The following SLC23A2 variants were observed in gnomAD, a reference collection of about 807,000 sequenced individuals.
SLC23A2 encodes Na(+)/L-ascorbic acid transporter 2.
A neutral mutation model predicts 73.3 loss-of-function variants in SLC23A2; 36 were observed. The observed-to-expected ratio is 0.49, with a 90% CI of 0.38 to 0.65. SLC23A2 has a LOEUF of 0.65. Ranked by LOEUF, SLC23A2 falls within the 30% of genes least tolerant of loss-of-function variation. The pLI, the probability that SLC23A2 is intolerant of heterozygous loss-of-function variation, is 0.00. For synonymous variants in SLC23A2, 343 were observed against 327.3 expected, an observed-to-expected ratio of 1.05 and a Z score of -0.52; for missense variants, 507 against 841.6, an observed-to-expected ratio of 0.60 and a Z score of 4.92.
Position 4,857,213 on chromosome 20 carries a change from C to T in SLC23A2, c.1721-9G>A, listed in dbSNP as rs1236718524. 7.1e-6 allele frequency: 11 copies of T among 1,549,446 alleles called. No homozygotes were observed. The highest frequency in any genetic ancestry group is 3.4e-4 in the Middle Eastern group (2 of 5,896). Reference sequence around the variant, plus strand: ...TCTTTCCTCTGGAGTGCCTGTCACACATCCCAAGATAGAACAAAGGAATGC... The same window carrying T: ...TCTTTCCTCTGGAGTGCCTGTCACATATCCCAAGATAGAACAAAGGAATGC... On this transcript the variant is annotated splice_polypyrimidine_tract_variant and intron_variant, in intron 16 of 16. Coordinates refer to ENST00000338244, the MANE Select transcript of SLC23A2 (RefSeq NM_005116.6). This position sits in a 1 kb window ranked among gnomAD's most constrained non-coding sequence, Gnocchi z 4.0.
At chr20:4,908,651 G>A (rs138416388) in intron 4 of SLC23A2, among the ~76,000 whole-genome samples, 31 of 152,270 alleles carry the variant, frequency 2.0e-4, no homozygotes, top group Admixed American at 9.8e-4. Context: ...TGTAGGGACC[G>A]GGTGTGGTGG....
rs6052957 is a variant in SLC23A2, at chr20:4,889,256, G to A, written c.483-3347C>T. On this transcript the variant is annotated intron_variant, in intron 6 of 16. Coordinates refer to ENST00000338244, the MANE Select transcript of SLC23A2 (RefSeq NM_005116.6). ...GTGTGTGGGGGATTATGGGTATTCC[G>A]GGCAGAGAGAGGGGAGGTGCAAAAC... 5.8e-3 allele frequency among the ~76,000 whole-genome samples: 882 copies of A among 152,192 alleles called. 5 individuals are homozygous for A. Among genetic ancestry groups the A allele is most frequent in the African/African-American group, 0.02 (837 of 41,510 alleles).
rs150470041 is a variant in SLC23A2 at position 4,926,349 on chromosome 20, G to A, written c.108+6106C>T. ...ACAACAGGCTGTGTGTGTCACAGCCGTGCCTGTGCCAACAGGAAGTTTGGG... is the reference window on the plus strand; with the variant it reads ...ACAACAGGCTGTGTGTGTCACAGCCATGCCTGTGCCAACAGGAAGTTTGGG... On this transcript the variant is annotated intron_variant, in intron 3 of 16. Transcript: ENST00000338244. Among the ~76,000 whole-genome samples the A allele has an allele frequency of 7.8e-3, 1,188 of 152,260 alleles. 24 individuals are homozygous for A. Among genetic ancestry groups the A allele is most frequent in the African/African-American group, 0.027 (1,140 of 41,534 alleles).
intron 1 of SLC23A2, among the ~76,000 whole-genome samples, chr20:4,984,369 A>T (rs905451141): frequency 6.6e-6 from 1 of 152,142 alleles, no homozygotes; most frequent in Non-Finnish European, 1.5e-5. Flanking sequence ...CCTGGCTAAC[A>T]CAGTGAAACC....
intron 3 of SLC23A2, among the ~76,000 whole-genome samples, chr20:4,931,685 T>TA (rs1932792706): frequency 1.3e-5 from 2 of 151,786 alleles, no homozygotes; most frequent in Admixed American, 1.3e-4. Flanking sequence ...GGGAAGATAG[T>TA]TCAAGCCTGG....
chr20:4,925,047 C>G (rs1932624256), intron 3 of SLC23A2, among the ~76,000 whole-genome samples: 1 of 152,034 alleles, frequency 6.6e-6, no homozygotes, highest in Admixed American at 6.6e-5. Context: ...CAGCTGAGCA[C>G]AGTGGCATGT....
intron 2 of SLC23A2, among the ~76,000 whole-genome samples, chr20:4,936,893 A>G (rs1039310329): frequency 3.3e-4 from 51 of 152,284 alleles, no homozygotes; most frequent in East Asian, 9.7e-4. Context: ...AGCACAGGAG[A>G]GGATGAGACT....
chr20:4,879,117 T>C (rs1464168846), intron 9 of SLC23A2, among the ~76,000 whole-genome samples: 1 of 152,166 alleles, frequency 6.6e-6, no homozygotes, highest in East Asian at 1.9e-4. Context: ...ATAAAGATCC[T>C]TCTATACAGC....
At position 4,862,135 on chromosome 20, in the gene SLC23A2, A is replaced by G; in HGVS notation, c.1487-50T>C. The stretch of plus-strand genomic sequence containing the variant: ...AAGCTCCAGCACCACTACAGCGGGG[A>G]CAGCTCAAGGCAGGTGAGGGCAGGC... On this transcript the variant is annotated intron_variant, in intron 14 of 16. Coordinates refer to ENST00000338244, the MANE Select transcript of SLC23A2 (RefSeq NM_005116.6). The surrounding 1 kb of genome is among the most constrained non-coding windows in gnomAD (Gnocchi z 5.1). 1 of 1,603,276 alleles carries G rather than the reference A, an allele frequency of 6.2e-7. No individual in the cohort carries two copies. The highest frequency in any genetic ancestry group is 1.1e-5 in the South Asian group (1 of 89,752).
At position 4,977,029 on chromosome 20, in the gene SLC23A2, A is replaced by G. The variant is rs1175078914; in HGVS notation, c.-281-6110T>C. ...AATGAAATCACTGTTCTAGAAAAGTAATTAGATGAATGTAATTGTACATAT... is the reference window on the plus strand; with the variant it reads ...AATGAAATCACTGTTCTAGAAAAGTGATTAGATGAATGTAATTGTACATAT... On this transcript the variant is annotated intron_variant, in intron 1 of 16. Transcript: ENST00000338244. Among the ~76,000 whole-genome samples the G allele has an allele frequency of 2.6e-5, 4 of 152,186 alleles. No homozygotes were observed. In the South Asian group the frequency reaches 6.2e-4, roughly 24 times the overall value.
intron 2 of SLC23A2, among the ~76,000 whole-genome samples, chr20:4,963,222 T>C (rs1381916389): frequency 6.6e-6 from 1 of 152,216 alleles, no homozygotes; most frequent in South Asian, 2.1e-4. Context: ...GCACAATTCA[T>C]GCCAAATGTC....
intron 9 of SLC23A2, among the ~76,000 whole-genome samples, chr20:4,875,695 T>C (rs1225574484): frequency 2.0e-5 from 3 of 152,182 alleles, no homozygotes; most frequent in Non-Finnish European, 4.4e-5. Context: ...CTGGCAGGTG[T>C]GGGGCCACTT....
intron 2 of SLC23A2, among the ~76,000 whole-genome samples, chr20:4,944,006 T>C (rs575553527): frequency 6.6e-6 from 1 of 152,260 alleles, no homozygotes; most frequent in East Asian, 1.9e-4. Flanking sequence ...AGGAAAGGGC[T>C]CCCCAGGGAA....
At chr20:4,897,210 C>T (rs1470326887) in intron 6 of SLC23A2, among the ~76,000 whole-genome samples, 1 of 152,222 alleles carries the variant, frequency 6.6e-6, no homozygotes, top group Admixed American at 6.5e-5. Context: ...ACGGGCACCA[C>T]CCACACCCCG....
At chr20:4,886,997 G>T (rs990238395) in intron 6 of SLC23A2, among the ~76,000 whole-genome samples, 1 of 152,204 alleles carries the variant, frequency 6.6e-6, no homozygotes, top group African/African-American at 2.4e-5. Flanking sequence ...CCAGAGCCCA[G>T]CACACACCAT....
intron 3 of SLC23A2, among the ~76,000 whole-genome samples, chr20:4,919,035 C>A (rs1016083994): frequency 6.6e-6 from 1 of 152,162 alleles, no homozygotes; most frequent in African/African-American, 2.4e-5. Context: ...CTGCAAGCTC[C>A]TTTACTATGA....
chr20:4,969,691 C>T (rs2087532835), intron 2 of SLC23A2, among the ~76,000 whole-genome samples: 1 of 150,992 alleles, frequency 6.6e-6, no homozygotes, highest in Non-Finnish European at 1.5e-5. Context: ...CTCAAGTGAT[C>T]CTCCTGTTTC....
intron 3 of SLC23A2, among the ~76,000 whole-genome samples, chr20:4,917,092 C>T (rs570856388): frequency 1.3e-5 from 2 of 152,250 alleles, no homozygotes; most frequent in African/African-American, 4.8e-5. Flanking sequence ...GTCCTGCCTC[C>T]CTGCAGGAGC....
intron 10 of SLC23A2, 83 bp downstream of exon 10, chr20:4,874,493 G>T: frequency 1.5e-6 from 2 of 1,348,568 alleles, no homozygotes; most frequent in Non-Finnish European, 2.0e-6. Context: ...AGGAGGGCCT[G>T]CTTAAAACCC....
Sources: gnomAD v4.1 joint callset for allele counts (sites outside exome capture counted in the v4.1 genomes callset) on GRCh38, gnomAD v4.1.1 for gene constraint, Gnocchi (gnomAD v3.1) non-coding constraint, MANE v1.5 for transcripts, NCBI Gene and HGNC (gene_info 2026-07-23, HGNC 2026-07-21) for gene names.